PALM2AKAP2: variants seen among roughly 807,000 people sequenced by gnomAD.
PALM2AKAP2 encodes the protein PALM2-AKAP2 fusion protein.
In PALM2AKAP2, 37 loss-of-function variants were observed where a neutral mutation model predicts 71.5. The ratio of observed to expected loss-of-function variants is 0.52; its 90% CI spans 0.40 to 0.68. PALM2AKAP2 has a LOEUF of 0.68. Ranked by LOEUF, PALM2AKAP2 falls within the 30% of genes least tolerant of loss-of-function variation. The probability of loss-of-function intolerance (pLI) is 0.00; values close to 1 mark genes in which losing one functional copy is unlikely to be tolerated. For missense variants in PALM2AKAP2, 1,224 were observed against 1,191.8 expected, an observed-to-expected ratio of 1.03 and a Z score of -0.40; for synonymous variants, 468 against 478.8, an observed-to-expected ratio of 0.98 and a Z score of 0.29.
At chr9:109,714,711 G>A (rs1277121444) in intron 1 of PALM2AKAP2, among the ~76,000 whole-genome samples, 1 of 152,150 alleles carries the variant, frequency 6.6e-6, no homozygotes, top group African/African-American at 2.4e-5. Flanking sequence ...CCCAGGATGA[G>A]GTTCTCATTC....
intron 5 of PALM2AKAP2, among the ~76,000 whole-genome samples, chr9:109,926,701 C>G (rs1564214373): frequency 6.6e-6 from 1 of 151,954 alleles, no homozygotes; most frequent in Non-Finnish European, 1.5e-5. Flanking sequence ...TTTTTTTTTC[C>G]CTTCCCTTCT....
At position 110,135,167 on chromosome 9, in the gene PALM2AKAP2, ATAT is replaced by A. The variant is rs1564324045; in HGVS notation, c.157-959_157-957del. ...TCTGTCTCTACAAAAAAAAAAAAAT[ATAT>A]AAATATATATATATATATAAATCAG... is the stretch of plus-strand genomic sequence containing the variant. On this transcript the variant is annotated intron_variant, in intron 1 of 3. Transcript: ENST00000374525. Among the ~76,000 whole-genome samples the A allele has an allele frequency of 4.7e-4, 25 of 53,622 alleles. 3 individuals carry two copies. Among genetic ancestry groups the A allele is most frequent in the Admixed American group, 1.8e-3 (9 of 4,892 alleles). 35.2% of individuals were successfully genotyped at this position (53,622 alleles called of 152,430 possible).
chr9:110,096,773 G>A (rs1195081704), intron 1 of PALM2AKAP2, among the ~76,000 whole-genome samples: 1 of 148,844 alleles, frequency 6.7e-6, no homozygotes, highest in Non-Finnish European at 1.5e-5. Context: ...CTGGGAAAGA[G>A]ACTTTTTGTG....
At chr9:109,893,562 T>C (rs1250929022) in intron 3 of PALM2AKAP2, among the ~76,000 whole-genome samples, 2 of 152,236 alleles carry the variant, frequency 1.3e-5, no homozygotes, top group African/African-American at 2.4e-5. Flanking sequence ...TCTCGTGCCT[T>C]AGCCTCCAGA....
intron 1 of PALM2AKAP2, among the ~76,000 whole-genome samples, chr9:109,802,477 G>A (rs1587921745): frequency 6.6e-6 from 1 of 152,132 alleles, no homozygotes; most frequent in South Asian, 2.1e-4. Flanking sequence ...TTATATAGGG[G>A]AAAAATATAA....
intron 1 of PALM2AKAP2, among the ~76,000 whole-genome samples, chr9:109,719,743 T>A (rs1253046617): frequency 6.6e-6 from 1 of 152,174 alleles, no homozygotes. Flanking sequence ...TGGGGCATAC[T>A]TAGATTCTCT....
intron 6 of PALM2AKAP2, among the ~76,000 whole-genome samples, chr9:109,957,493 G>A (rs1281694483): frequency 3.3e-5 from 5 of 152,204 alleles, no homozygotes; most frequent in Non-Finnish European, 5.9e-5. Flanking sequence ...AGAAGCAGCA[G>A]ACATGAGTAG....
chr9:109,771,602 G>A (rs1305239667), intron 1 of PALM2AKAP2, among the ~76,000 whole-genome samples: 2 of 152,188 alleles, frequency 1.3e-5, no homozygotes, highest in African/African-American at 4.8e-5. Flanking sequence ...TTGACTACCT[G>A]TTCTACAGAA....
intron 1 of PALM2AKAP2, among the ~76,000 whole-genome samples, chr9:109,718,731 T>C (rs1828364547): frequency 6.6e-6 from 1 of 152,140 alleles, no homozygotes; most frequent in Non-Finnish European, 1.5e-5. Context: ...GTCTAACTTC[T>C]AAATGTGCTT....
chr9:109,738,070 GA>G (rs995694535), intron 1 of PALM2AKAP2, among the ~76,000 whole-genome samples: 24 of 151,548 alleles, frequency 1.6e-4, no homozygotes, highest in African/African-American at 5.3e-4. Flanking sequence ...ACCAATATTG[GA>G]AAAAAAAGAA....
intron 1 of PALM2AKAP2, among the ~76,000 whole-genome samples, chr9:110,055,534 C>A (rs1833818538): frequency 6.6e-6 from 1 of 152,146 alleles, no homozygotes; most frequent in Non-Finnish European, 1.5e-5. Flanking sequence ...GGGCACTACT[C>A]CTATTCATTA....
intron 1 of PALM2AKAP2, among the ~76,000 whole-genome samples, chr9:109,709,330 C>T (rs1175162037): frequency 3.3e-5 from 5 of 152,202 alleles, no homozygotes; most frequent in Non-Finnish European, 7.3e-5. Context: ...TTTCTGTATG[C>T]TTCTTCCTGC....
chr9:109,646,159 T>C (rs2132228435), intron 1 of PALM2AKAP2, among the ~76,000 whole-genome samples: 1 of 152,322 alleles, frequency 6.6e-6, no homozygotes. Flanking sequence ...GTTGGTGTCA[T>C]GTTCTGTACC....
chr9:109,897,869 A>G (rs565948486), intron 3 of PALM2AKAP2, among the ~76,000 whole-genome samples: 2 of 152,326 alleles, frequency 1.3e-5, no homozygotes, highest in African/African-American at 4.8e-5. Context: ...CATCTCCTCT[A>G]TCCTCTCACC....
At chr9:109,932,248 A>G (rs1480592031) in intron 6 of PALM2AKAP2, among the ~76,000 whole-genome samples, 3 of 152,172 alleles carry the variant, frequency 2.0e-5, no homozygotes, top group African/African-American at 7.2e-5. Flanking sequence ...ATCATACGGC[A>G]TTTCACCTCC....
At chr9:109,942,721 A>T (rs1474512940) in intron 6 of PALM2AKAP2, 2 of 1,602,876 alleles carry the variant, frequency 1.2e-6, no homozygotes, top group Non-Finnish European at 1.7e-6. Flanking sequence ...GGAGAAAGAC[A>T]AACAAACAGG....
chr9:109,721,773 T>C lies in PALM2AKAP2; in HGVS notation c.6-58715T>C, dbSNP rs1015194601. On this transcript the variant is annotated intron_variant, in intron 1 of 6. Coordinates refer to the PALM2AKAP2 transcript ENST00000374531. The stretch of plus-strand genomic sequence containing the variant: ...CATGGCAGTGGAGATTGGAAAGTAG[T>C]CTTTGGGTGAAAATATGCTCCATTA... Among the ~76,000 whole-genome samples the C allele has an allele frequency of 3.3e-5, 5 of 152,232 alleles. No individual in the cohort carries two copies. In the South Asian group the frequency reaches 1.0e-3, roughly 32 times the overall value.
chr9:109,799,648 G>T (rs114152648), intron 1 of PALM2AKAP2, among the ~76,000 whole-genome samples: 3 of 152,178 alleles, frequency 2.0e-5, no homozygotes, highest in African/African-American at 7.2e-5. Context: ...CATGCAACAC[G>T]ATGCCTGGTT....
chr9:109,754,759 A>G (rs1828933705), intron 1 of PALM2AKAP2, among the ~76,000 whole-genome samples: 1 of 152,104 alleles, frequency 6.6e-6, no homozygotes, highest in Non-Finnish European at 1.5e-5. Context: ...CTCTTCTTAT[A>G]TGGGCACTAA....
Sources: allele counts gnomAD v4.1 joint callset (sites outside exome capture counted in the v4.1 genomes callset), GRCh38; gene constraint gnomAD v4.1.1; transcripts MANE v1.5; gene names NCBI Gene and HGNC (gene_info 2026-07-23, HGNC 2026-07-21).